The following BLACAT1 variants were observed in gnomAD, a reference collection of about 807,000 sequenced individuals.
BLACAT1 encodes BLACAT1 overlapping LEMD1 locus, also known as bladder cancer associated transcript 1.
intron 1 of BLACAT1, among the ~76,000 whole-genome samples, chr1:205,451,399 A>AGAGGCCCCATTCTTCCTGCC (rs1349017821): frequency 2.8e-4 from 43 of 152,142 alleles, no homozygotes; most frequent in Non-Finnish European, 7.4e-5. Flanking sequence ...CTGCCCCAAC[A>AGAGGCCCCATTCTTCCTGCC]GAGGCCCCAT....
chr1:205,437,764 G>A (rs1558742562), downstream of BLACAT1: 1 of 152,172 alleles, frequency 6.6e-6, no homozygotes, highest in Non-Finnish European at 1.5e-5. Flanking sequence ...TTATAGTTGA[G>A]GAACCTGAGT....
chr1:205,447,454 TAGAC>T (rs1340418051), intron 1 of BLACAT1, among the ~76,000 whole-genome samples: 2 of 152,110 alleles, frequency 1.3e-5, no homozygotes, highest in African/African-American at 2.4e-5. Flanking sequence ...TGGTCTGTCT[TAGAC>T]AGACTGGGGA....
downstream of BLACAT1, among the ~76,000 whole-genome samples, chr1:205,439,445 C>T (rs559154470): frequency 6.6e-6 from 1 of 152,362 alleles, no homozygotes; most frequent in South Asian, 2.1e-4. Context: ...CCAGGAAAGG[C>T]CCCTGAGTGT....
chr1:205,447,820 T>C (rs939244736), intron 1 of BLACAT1, among the ~76,000 whole-genome samples: 3 of 151,596 alleles, frequency 2.0e-5, no homozygotes, highest in Non-Finnish European at 4.4e-5. Context: ...CGGCATGGAG[T>C]GTTCCCATTT....
chr1:205,453,285 A>G (rs1666519957), intron 1 of BLACAT1, among the ~76,000 whole-genome samples: 1 of 152,148 alleles, frequency 6.6e-6, no homozygotes, highest in Non-Finnish European at 1.5e-5. Context: ...CCAGACCTGC[A>G]CTAGACCAGC....
At chr1:205,443,079 A>T (rs1666323488) in intron 1 of BLACAT1, among the ~76,000 whole-genome samples, 1 of 152,244 alleles carries the variant, frequency 6.6e-6, no homozygotes. Context: ...CCGTGTAATC[A>T]GTTATTGTCA....
chr1:205,455,723 G>A (rs926257598), intron 1 of BLACAT1, among the ~76,000 whole-genome samples, 194 bp downstream of exon 1: 64 of 152,174 alleles, frequency 4.2e-4, no homozygotes, highest in African/African-American at 1.5e-3. Flanking sequence ...GGCGGCTGAC[G>A]CAGCCCGCCG....
downstream of BLACAT1, chr1:205,435,956 A>G (rs1315097889): frequency 6.6e-6 from 1 of 152,210 alleles, no homozygotes; most frequent in Non-Finnish European, 1.5e-5. Context: ...ATGCTGTGTT[A>G]AAGGATGAGG....
chr1:205,454,660 C>A (rs566682258), intron 1 of BLACAT1, among the ~76,000 whole-genome samples: 24 of 152,184 alleles, frequency 1.6e-4, no homozygotes, highest in Non-Finnish European at 5.9e-5. Flanking sequence ...AGCCCCAGGC[C>A]TCCGTTGTGT....
chr1:205,452,344 G>A (rs892314490), intron 1 of BLACAT1, among the ~76,000 whole-genome samples: 1 of 152,168 alleles, frequency 6.6e-6, no homozygotes, highest in African/African-American at 2.4e-5. Context: ...GCCAGGAGGA[G>A]AACTCCTTTG....
At chr1:205,453,430 C>T (rs1422556119) in intron 1 of BLACAT1, among the ~76,000 whole-genome samples, 1 of 152,176 alleles carries the variant, frequency 6.6e-6, no homozygotes, top group Non-Finnish European at 1.5e-5. Context: ...TGGGAGCCCC[C>T]AGCCCCCTGA....
intron 1 of BLACAT1, among the ~76,000 whole-genome samples, chr1:205,442,360 G>A (rs1188936786): frequency 6.6e-6 from 1 of 152,224 alleles, no homozygotes; most frequent in Non-Finnish European, 1.5e-5. Context: ...ACCCCAGCAA[G>A]GCACATGTGC....
At position 205,444,055 on chromosome 1, in the gene BLACAT1, G is replaced by C. The variant is rs554389177; in HGVS notation, c.-36-2993C>G. The stretch of plus-strand genomic sequence containing the variant: ...AGGTCCCCTTGCTGCGTCTATTTGA[G>C]GGGGAGGAGTCTGGACTAGCACCTG... On this transcript the variant is annotated intron_variant, in intron 1 of 1. Coordinates refer to ENST00000629624, the Ensembl canonical transcript of BLACAT1. Among the ~76,000 whole-genome samples, 109 of 152,066 alleles carry C rather than the reference G, an allele frequency of 7.2e-4. 1 individual carries two copies. Among genetic ancestry groups the C allele is most frequent in the Admixed American group, 2.0e-3 (30 of 15,274 alleles).
Position 205,448,485 on chromosome 1 carries a change from C to A in BLACAT1, c.-36-7423G>T. On this transcript the variant is annotated intron_variant, in intron 1 of 1. Coordinates refer to ENST00000629624, the Ensembl canonical transcript of BLACAT1. The surrounding 1 kb of genome is among the most constrained non-coding windows in gnomAD (Gnocchi z 4.7). The stretch of plus-strand genomic sequence containing the variant: ...CACTCCCCTTCTCAGCACCCCCGAC[C>A]CCAGACCCACCCACACTGCCTCCCT... 2.1e-6 allele frequency: 1 copy of A among 477,102 alleles called. No individual in the cohort carries two copies. Among genetic ancestry groups the A allele is most frequent in the Non-Finnish European group, 4.2e-6 (1 of 236,536 alleles). 29.6% of individuals were successfully genotyped at this position (477,102 alleles called of 1,614,324 possible). A position where few individuals can be genotyped will look rare whatever the true frequency, so the allele number is the denominator to read the frequency against.
downstream of BLACAT1, among the ~76,000 whole-genome samples, chr1:205,439,286 T>C (rs111454469): frequency 0.012 from 1,891 of 152,326 alleles, 40 homozygotes; most frequent in African/African-American, 0.043. Flanking sequence ...CTGTTTATAA[T>C]TCTTTGGATA....
At chr1:205,442,520 C>T (rs538184117) in intron 1 of BLACAT1, among the ~76,000 whole-genome samples, 2 of 152,292 alleles carry the variant, frequency 1.3e-5, no homozygotes, top group South Asian at 2.1e-4. Context: ...GCACAGTGCC[C>T]GGTGGATCCA....
intron 1 of BLACAT1, among the ~76,000 whole-genome samples, chr1:205,454,628 C>A (rs1666541017): frequency 6.6e-6 from 1 of 151,952 alleles, no homozygotes; most frequent in African/African-American, 2.4e-5. Flanking sequence ...CATTGAATGA[C>A]TGAGAGATAG....
At chr1:205,452,451 A>G (rs1575014641) in intron 1 of BLACAT1, among the ~76,000 whole-genome samples, 1 of 152,236 alleles carries the variant, frequency 6.6e-6, no homozygotes, top group East Asian at 1.9e-4. Flanking sequence ...GGAAAGAAGT[A>G]GGACTGTTCC....
At chr1:205,454,527 A>AGTGTGT (rs746207549) in intron 1 of BLACAT1, among the ~76,000 whole-genome samples, 58 of 149,172 alleles carry the variant, frequency 3.9e-4, no homozygotes, top group African/African-American at 1.4e-3. Context: ...ATCTGGTGTG[A>AGTGTGT]GTGTGTGTGT....
Sources: allele counts gnomAD v4.1 joint callset (sites outside exome capture counted in the v4.1 genomes callset), GRCh38; gene constraint gnomAD v4.1.1; non-coding constraint Gnocchi (gnomAD v3.1); transcripts MANE v1.5; gene names NCBI Gene and HGNC (gene_info 2026-07-23, HGNC 2026-07-21).